Variants in THADA observed in about 807,000 individuals in gnomAD.
The protein encoded by THADA is THADA armadillo repeat containing.
In THADA, 213 loss-of-function variants were observed where a neutral mutation model predicts 219.8. The observed-to-expected ratio is 0.97, with a 90% confidence interval of 0.87 to 1.09. The LOEUF is 1.09. THADA is among the 50% of genes least tolerant of loss of function. The probability of loss-of-function intolerance (pLI) is 0.00; values close to 1 mark genes in which losing one functional copy is unlikely to be tolerated. For missense variants in THADA, 2,956 were observed against 2,311.3 expected, an observed-to-expected ratio of 1.28 and a Z score of -5.72; for synonymous variants, 1,018 against 828.9, an observed-to-expected ratio of 1.23 and a Z score of -3.92.
chr2:43,383,958 G>A (rs1387419825), intron 29 of THADA, among the ~76,000 whole-genome samples: 3 of 152,132 alleles, frequency 2.0e-5, no homozygotes, highest in African/African-American at 7.2e-5. Flanking sequence ...AATTTTAGAT[G>A]TTTTTAGGCT....
chr2:43,448,870 A>G (rs1355001233), intron 26 of THADA, among the ~76,000 whole-genome samples: 1 of 152,108 alleles, frequency 6.6e-6, no homozygotes, highest in Non-Finnish European at 1.5e-5. Flanking sequence ...ACACTATTAG[A>G]TTCAAGCATC....
chr2:43,251,403 C>A (rs142978228), intron 36 of THADA, among the ~76,000 whole-genome samples: 14 of 152,338 alleles, frequency 9.2e-5, no homozygotes. Context: ...CATTACAGAG[C>A]AGCACTCTTG....
rs188175799 is a variant in THADA at position 43,500,014 on chromosome 2, C to T, written c.3622-1059G>A. On this transcript the variant is annotated intron_variant, in intron 24 of 37. Transcript: ENST00000405975. ...CTGATTCTCTGAAACAGAAATAAAC[C>T]CCTGACATGACTAACCAAGAAGAGA... 5.9e-5 allele frequency among the ~76,000 whole-genome samples: 9 copies of T among 151,614 alleles called. No homozygotes were observed. The South Asian group carries it at 8.4e-4, about 14-fold the overall frequency.
Position 43,293,097 on chromosome 2 carries a change from G to A in THADA, c.4555C>T (p.Leu1519Phe). The change falls in exon 32 of 38, where the codon CTC (leucine) becomes TTC (phenylalanine). Residue 1519 changes from leucine (L) to phenylalanine (F), a missense_variant. Coordinates refer to ENST00000405975, the MANE Select transcript of THADA (RefSeq NM_022065.5). ...ACTGCAGCAATGGCTAGTCTGGTGA[G>A]GCTCTGGAGGTACTGGGGCAGGCCT... The part of the protein sequence containing the change: ...VPGLPQYLQS[L>F]TRLAIAAVWA... 6.2e-7 allele frequency: 1 copy of A among 1,614,010 alleles called. No homozygotes were observed. Among genetic ancestry groups the A allele is most frequent in the Non-Finnish European group, 8.5e-7 (1 of 1,179,898 alleles).
chr2:43,463,896 C>T (rs72790935), intron 26 of THADA, among the ~76,000 whole-genome samples: 47,803 of 152,054 alleles, frequency 0.31, 7,829 homozygotes, highest in Non-Finnish European at 0.35. Context: ...GAATTGCTTA[C>T]AGTAGCAAGT....
At position 43,426,965 on chromosome 2, in the gene THADA, C is replaced by A. The variant is rs181686842; in HGVS notation, c.4058+1135G>T. Among the ~76,000 whole-genome samples, 45 of 152,032 alleles carry A rather than the reference C, an allele frequency of 3.0e-4. No homozygotes were observed. In the East Asian group the frequency reaches 7.2e-3, roughly 24 times the overall value. On this transcript the variant is annotated intron_variant, in intron 28 of 37. Transcript: ENST00000405975. ...AGGCCTACATATTTAGGCCTTTGATCCAAAATGAACAAAGTAATCAGAAGA... is the reference window on the plus strand; with the variant it reads ...AGGCCTACATATTTAGGCCTTTGATACAAAATGAACAAAGTAATCAGAAGA...
At chr2:43,545,085 C>T (rs76896890) in intron 20 of THADA, among the ~76,000 whole-genome samples, 5 of 151,846 alleles carry the variant, frequency 3.3e-5, no homozygotes, top group African/African-American at 7.2e-5. Context: ...TAGCATGAAG[C>T]GTTGTTGAAT....
At chr2:43,300,761 T>A (rs963774412) in intron 31 of THADA, among the ~76,000 whole-genome samples, 4 of 152,258 alleles carry the variant, frequency 2.6e-5, no homozygotes, top group African/African-American at 9.6e-5. Flanking sequence ...TCAAGTGACA[T>A]TCATTTAGGC....
intron 26 of THADA, among the ~76,000 whole-genome samples, chr2:43,447,767 C>T (rs866248927): frequency 3.3e-5 from 5 of 152,162 alleles, no homozygotes; most frequent in Non-Finnish European, 7.4e-5. Flanking sequence ...GCTGCTGAAA[C>T]GACCTGTAAT....
intron 30 of THADA, among the ~76,000 whole-genome samples, chr2:43,329,705 G>C (rs1054228073): frequency 6.6e-6 from 1 of 152,146 alleles, no homozygotes; most frequent in African/African-American, 2.4e-5. Context: ...AAAACAAATT[G>C]TATCTATGTG....
intron 11 of THADA, 109 bp from the exon 12 acceptor site, chr2:43,573,101 T>C: frequency 2.2e-6 from 2 of 928,168 alleles, no homozygotes; most frequent in Non-Finnish European, 1.5e-6. Context: ...TAAATAAAAA[T>C]CACATTTTAA....
chr2:43,274,737 G>A (rs2104286738), intron 36 of THADA, among the ~76,000 whole-genome samples: 1 of 152,132 alleles, frequency 6.6e-6, no homozygotes, highest in Admixed American at 6.5e-5. Context: ...TTCTAGGAGA[G>A]AGGGACCAGA....
intron 22 of THADA, among the ~76,000 whole-genome samples, chr2:43,512,690 TG>T (rs35540983): frequency 6.6e-6 from 1 of 152,178 alleles, no homozygotes; most frequent in South Asian, 2.1e-4. Context: ...TTAGTAGAGA[TG>T]GGGTTTCCCC....
intron 34 of THADA, among the ~76,000 whole-genome samples, chr2:43,288,288 C>T (rs7575635): frequency 0.24 from 37,078 of 152,072 alleles, 5,010 homozygotes; most frequent in African/African-American, 0.36. Flanking sequence ...CATGGTGGCG[C>T]GTGCCTGTAA....
intron 22 of THADA, among the ~76,000 whole-genome samples, chr2:43,515,668 A>G (rs1440499620): frequency 3.3e-5 from 5 of 151,808 alleles, no homozygotes; most frequent in Non-Finnish European, 5.9e-5. Context: ...TATACCAAAC[A>G]CAAGTTTCTC....
At chr2:43,387,757 T>C (rs1474422260) in intron 29 of THADA, among the ~76,000 whole-genome samples, 4 of 152,142 alleles carry the variant, frequency 2.6e-5, no homozygotes, top group African/African-American at 7.2e-5. Flanking sequence ...ACACACCACA[T>C]TGCACAACGC....
chr2:43,430,691 G>T (rs1416980018), intron 26 of THADA: 1 of 455,196 alleles, frequency 2.2e-6, no homozygotes, highest in Non-Finnish European at 4.4e-6. Context: ...TAGAACAAGC[G>T]TTCCCAACCC....
intron 26 of THADA, among the ~76,000 whole-genome samples, chr2:43,472,515 C>T (rs1244153225): frequency 6.6e-6 from 1 of 152,182 alleles, no homozygotes. Context: ...GGAAAGTTGG[C>T]TTAATTAAAG....
Position 43,581,776 on chromosome 2 carries a change from C to T in THADA, c.686G>A (p.Gly229Glu). ...SDSPIWQNMC[G>E]LLSIFTKVLS... ...AACCTTGGTAAAAATACTCAGCAATCCACACATATTTTGCCATATGGGAGA... is the reference window on the plus strand; with the variant it reads ...AACCTTGGTAAAAATACTCAGCAATTCACACATATTTTGCCATATGGGAGA... Residue 229 changes from glycine to glutamate, a missense_variant, in exon 8 of 38, where the codon GGA becomes GAA. Gly to Glu is a moderately conservative substitution (Grantham distance 98). Coordinates refer to ENST00000405975, the MANE Select transcript of THADA (RefSeq NM_022065.5). 6.2e-7 allele frequency: 1 copy of T among 1,611,962 alleles called. No homozygotes were observed. The highest frequency in any genetic ancestry group is 8.5e-7 in the Non-Finnish European group (1 of 1,179,518).
Sources: gnomAD v4.1 joint callset for allele counts (sites outside exome capture counted in the v4.1 genomes callset) on GRCh38, gnomAD v4.1.1 for gene constraint, MANE v1.5 for transcripts, NCBI Gene and HGNC (gene_info 2026-07-23, HGNC 2026-07-21) for gene names.